Variants in CTNND2 observed in about 807,000 individuals in gnomAD.
CTNND2 encodes the protein catenin delta-2.
In CTNND2, 22 loss-of-function variants were observed where a neutral mutation model predicts 144.4. The observed-to-expected ratio is 0.15, with a 90% CI of 0.11 to 0.22. CTNND2 has a LOEUF of 0.22. CTNND2 is among the 10% of genes least tolerant of loss of function. The pLI is 1.00. For synonymous variants in CTNND2, 751 were observed against 695.6 expected, an observed-to-expected ratio of 1.08 and a Z score of -1.25; for missense variants, 1,353 against 1,618.8, an observed-to-expected ratio of 0.84 and a Z score of 2.82.
chr5:11,269,458 CTG>C (rs1421655271), intron 9 of CTNND2, among the ~76,000 whole-genome samples: 1 of 152,182 alleles, frequency 6.6e-6, no homozygotes, highest in Non-Finnish European at 1.5e-5. Context: ...AAACAGCACA[CTG>C]TCTCTTCACT....
At chr5:11,333,680 A>G (rs1218143704) in intron 9 of CTNND2, among the ~76,000 whole-genome samples, 1 of 152,142 alleles carries the variant, frequency 6.6e-6, no homozygotes, top group Non-Finnish European at 1.5e-5. Context: ...AGTAGGGATG[A>G]CCTTCTCTGC....
chr5:11,707,846 A>G (rs1785791103), intron 2 of CTNND2, among the ~76,000 whole-genome samples: 1 of 152,196 alleles, frequency 6.6e-6, no homozygotes, highest in Non-Finnish European at 1.5e-5. Flanking sequence ...ATCACTGCAG[A>G]CAGCTCTCAC....
chr5:11,030,916 G>A (rs1743399051), intron 16 of CTNND2, among the ~76,000 whole-genome samples: 2 of 151,808 alleles, frequency 1.3e-5, no homozygotes, highest in African/African-American at 4.8e-5. Flanking sequence ...CTTTTCCAGG[G>A]TTTGTAATTT....
At chr5:11,269,903 GA>G (rs1028819561) in intron 9 of CTNND2, among the ~76,000 whole-genome samples, 1 of 151,904 alleles carries the variant, frequency 6.6e-6, no homozygotes, top group East Asian at 1.9e-4. Flanking sequence ...GATTGAAAAC[GA>G]AAAAAACACG....
intron 2 of CTNND2, among the ~76,000 whole-genome samples, chr5:11,566,379 C>T (rs61763033): frequency 0.11 from 15,979 of 152,140 alleles, 1,070 homozygotes; most frequent in East Asian, 0.23. Flanking sequence ...GTATTTTATG[C>T]ATCTAACTTC....
chr5:11,527,337 A>T (rs1773346695), intron 3 of CTNND2, among the ~76,000 whole-genome samples: 2 of 152,208 alleles, frequency 1.3e-5, no homozygotes, highest in Non-Finnish European at 2.9e-5. Flanking sequence ...GAACTCAGGC[A>T]GGCTGGCGCC....
intron 11 of CTNND2, among the ~76,000 whole-genome samples, chr5:11,181,769 T>C (rs1735005247): frequency 6.9e-6 from 1 of 144,526 alleles, no homozygotes; most frequent in South Asian, 2.3e-4. Context: ...TGTGTGTGTG[T>C]GTGTGTCTGT....
chr5:11,632,009 G>T (rs890953531), intron 2 of CTNND2, among the ~76,000 whole-genome samples: 1 of 152,194 alleles, frequency 6.6e-6, no homozygotes, highest in Non-Finnish European at 1.5e-5. Flanking sequence ...ATTTAAAATA[G>T]AGCGTACAGA....
intron 8 of CTNND2, among the ~76,000 whole-genome samples, chr5:11,355,485 A>G (rs558495473): frequency 6.6e-6 from 1 of 152,110 alleles, no homozygotes; most frequent in East Asian, 1.9e-4. Flanking sequence ...ACAAAAAAAA[A>G]CTCTCAACAA....
intron 3 of CTNND2, among the ~76,000 whole-genome samples, chr5:11,463,644 A>C (rs1372990261): frequency 2.6e-5 from 4 of 152,060 alleles, no homozygotes; most frequent in African/African-American, 9.7e-5. Flanking sequence ...TTTCGCATGG[A>C]TATACAGATA....
intron 3 of CTNND2, among the ~76,000 whole-genome samples, chr5:11,490,293 C>T (rs1474184361): frequency 3.9e-5 from 6 of 152,014 alleles, no homozygotes; most frequent in Admixed American, 3.3e-4. Context: ...ATACTAAAAA[C>T]GTAATATATT....
chr5:10,984,038 C>T (rs772571183), intron 20 of CTNND2, among the ~76,000 whole-genome samples: 11 of 152,186 alleles, frequency 7.2e-5, no homozygotes, highest in Non-Finnish European at 7.3e-5. Context: ...CCTCCTCCCA[C>T]GTCAAGTGAA....
At chr5:11,300,728 G>A (rs1749502598) in intron 9 of CTNND2, among the ~76,000 whole-genome samples, 1 of 151,950 alleles carries the variant, frequency 6.6e-6, no homozygotes, top group Non-Finnish European at 1.5e-5. Flanking sequence ...AATGTGGCTG[G>A]ACATCTTGTA....
At position 11,349,304 on chromosome 5, in the gene CTNND2, A is replaced by G. The variant is rs189647462; in HGVS notation, c.1373-2677T>C. On this transcript the variant is annotated intron_variant, in intron 8 of 21. Coordinates refer to ENST00000304623, the MANE Select transcript of CTNND2 (RefSeq NM_001332.4). ...AGGCCCTTTCACTGGGTGTCAGACTATATAGCTCCTTTTGAGTGCTGGGCT... is the reference window on the plus strand; with the variant it reads ...AGGCCCTTTCACTGGGTGTCAGACTGTATAGCTCCTTTTGAGTGCTGGGCT... Among the ~76,000 whole-genome samples, 313 of 152,272 alleles carry G rather than the reference A, an allele frequency of 2.1e-3. 1 individual carries two copies. The highest frequency in any genetic ancestry group is 7.2e-3 in the African/African-American group (300 of 41,560).
At chr5:11,132,004 C>T (rs1238050723) in intron 12 of CTNND2, among the ~76,000 whole-genome samples, 1 of 152,130 alleles carries the variant, frequency 6.6e-6, no homozygotes, top group Non-Finnish European at 1.5e-5. Context: ...TTTGTGATTG[C>T]TTTGATCACT....
chr5:11,273,632 CTTAATAA>C (rs1746241950), intron 9 of CTNND2, among the ~76,000 whole-genome samples: 1 of 152,194 alleles, frequency 6.6e-6, no homozygotes, highest in South Asian at 2.1e-4. Context: ...AGACATTGTA[CTTAATAA>C]GCATTGCAGG....
intron 18 of CTNND2, among the ~76,000 whole-genome samples, chr5:11,014,512 A>G (rs1234618055): frequency 6.6e-6 from 1 of 152,186 alleles, no homozygotes; most frequent in African/African-American, 2.4e-5. Flanking sequence ...TTAGCCTGCA[A>G]GTGATCACAT....
At chr5:11,833,760 G>A (rs1794030015) in intron 1 of CTNND2, among the ~76,000 whole-genome samples, 1 of 152,034 alleles carries the variant, frequency 6.6e-6, no homozygotes, top group Non-Finnish European at 1.5e-5. Context: ...CTAACTTCAG[G>A]TGATCCACCC....
At chr5:11,542,871 G>A (rs1462176103) in intron 3 of CTNND2, among the ~76,000 whole-genome samples, 3 of 152,218 alleles carry the variant, frequency 2.0e-5, no homozygotes, top group Non-Finnish European at 4.4e-5. Flanking sequence ...TTTTGGGGAG[G>A]TCAGGATGGG....
Sources: allele counts gnomAD v4.1 joint callset (sites outside exome capture counted in the v4.1 genomes callset), GRCh38; gene constraint gnomAD v4.1.1; transcripts MANE v1.5; gene names NCBI Gene and HGNC (gene_info 2026-07-23, HGNC 2026-07-21).